PTPRT: variants seen among roughly 807,000 people sequenced by gnomAD.
PTPRT encodes the protein receptor-type tyrosine-protein phosphatase T.
Under a neutral mutation model 176.8 loss-of-function variants are expected in PTPRT, and 56 were observed. The observed-to-expected ratio is 0.32, with a 90% CI of 0.26 to 0.40. The LOEUF (loss-of-function observed/expected upper bound fraction) is 0.40. Among genes scored for constraint, PTPRT ranks in the 10% least tolerant of loss-of-function variants. The pLI, the probability that PTPRT is intolerant of heterozygous loss-of-function variation, is 1.00. For missense variants in PTPRT, 1,540 were observed against 1,908.2 expected (o/e 0.81, Z 3.60); for synonymous variants, 783 against 739.0 (o/e 1.06, Z -0.96).
intron 1 of PTPRT, among the ~76,000 whole-genome samples, chr20:43,027,198 C>T (rs997864093): frequency 3.3e-5 from 5 of 152,078 alleles, no homozygotes; most frequent in Non-Finnish European, 5.9e-5. Flanking sequence ...ACAGTTACAG[C>T]CAGGCACGGT....
At chr20:42,438,321 A>G (rs941107838) in intron 9 of PTPRT, among the ~76,000 whole-genome samples, 1 of 152,206 alleles carries the variant, frequency 6.6e-6, no homozygotes, top group African/African-American at 2.4e-5. Flanking sequence ...CTCTGGAGAC[A>G]AATTATGGCA....
At chr20:43,069,714 T>C (rs2011155700) in intron 1 of PTPRT, among the ~76,000 whole-genome samples, 1 of 152,152 alleles carries the variant, frequency 6.6e-6, no homozygotes, top group South Asian at 2.1e-4. Flanking sequence ...GGCTTTTTTA[T>C]ATAAGAGCAA....
At chr20:42,414,719 T>C (rs2059049204) in intron 9 of PTPRT, among the ~76,000 whole-genome samples, 2 of 152,218 alleles carry the variant, frequency 1.3e-5, no homozygotes, top group African/African-American at 4.8e-5. Flanking sequence ...GAAGTACCTA[T>C]GTGAATAAAG....
chr20:42,507,906 G>A (rs562863715), intron 7 of PTPRT, among the ~76,000 whole-genome samples: 113 of 151,382 alleles, frequency 7.5e-4, no homozygotes, highest in African/African-American at 2.6e-3. Context: ...CAGCTGAGGA[G>A]AAAGTTCACA....
chr20:42,336,678 T>G (rs1206947962), intron 11 of PTPRT, among the ~76,000 whole-genome samples: 1 of 152,020 alleles, frequency 6.6e-6, no homozygotes, highest in African/African-American at 2.4e-5. Context: ...AAAACATGAA[T>G]AAATTTGTGA....
intron 1 of PTPRT, among the ~76,000 whole-genome samples, chr20:42,975,592 AC>A (rs1982899802): frequency 6.6e-6 from 1 of 152,166 alleles, no homozygotes; most frequent in South Asian, 2.1e-4. Flanking sequence ...TCTGTCTTAA[AC>A]TGCCTTCATA....
chr20:42,674,022 T>C (rs1426408259), intron 7 of PTPRT, among the ~76,000 whole-genome samples: 2 of 152,182 alleles, frequency 1.3e-5, no homozygotes, highest in Non-Finnish European at 2.9e-5. Context: ...ACATACTCTC[T>C]CACTTTCTGT....
At chr20:42,555,570 T>C (rs921081213) in intron 7 of PTPRT, among the ~76,000 whole-genome samples, 1 of 152,118 alleles carries the variant, frequency 6.6e-6, no homozygotes, top group Non-Finnish European at 1.5e-5. Context: ...CATTATTTCT[T>C]CCACTCCAAG....
At chr20:42,198,681 T>C (rs775803361) in intron 16 of PTPRT, among the ~76,000 whole-genome samples, 13 of 152,218 alleles carry the variant, frequency 8.5e-5, no homozygotes, top group Non-Finnish European at 1.8e-4. Flanking sequence ...CCTTGACCAA[T>C]GCTACTTGGA....
At chr20:42,490,780 C>T (rs2071548680) in intron 7 of PTPRT, among the ~76,000 whole-genome samples, 1 of 152,112 alleles carries the variant, frequency 6.6e-6, no homozygotes, top group South Asian at 2.1e-4. Context: ...AAGGAATGCA[C>T]CTGCATTTTC....
At chr20:42,610,727 T>A (rs1478071899) in intron 7 of PTPRT, among the ~76,000 whole-genome samples, 1 of 152,186 alleles carries the variant, frequency 6.6e-6, no homozygotes, top group Non-Finnish European at 1.5e-5. Flanking sequence ...ATACAATTCA[T>A]CCATTTAAAG....
At position 42,842,290 on chromosome 20, in the gene PTPRT, G is replaced by A. The variant is rs150771432; in HGVS notation, c.214+43517C>T. The stretch of plus-strand genomic sequence containing the variant: ...CATGCAAAACGAAGAAGAGTGCAGT[G>A]TCTACAAATCAGCAGCCAGTGCTAC... On this transcript the variant is annotated intron_variant, in intron 2 of 30. Coordinates refer to ENST00000373187, the MANE Select transcript of PTPRT (RefSeq NM_007050.6). Among the ~76,000 whole-genome samples the A allele has an allele frequency of 2.3e-3, 352 of 152,300 alleles. 1 individual carries two copies. The highest frequency in any genetic ancestry group is 0.02 in the Admixed American group (300 of 15,302).
chr20:43,127,842 G>A (rs1279492946), intron 1 of PTPRT, among the ~76,000 whole-genome samples: 2 of 152,208 alleles, frequency 1.3e-5, no homozygotes, highest in Non-Finnish European at 2.9e-5. Flanking sequence ...GATGGTGGGT[G>A]AAGCCCATTC....
chr20:42,039,704 T>TATATATATATATATATATATATA, the PTPRT span, among the ~76,000 whole-genome samples: 19 of 65,264 alleles, frequency 2.9e-4, no homozygotes, highest in Admixed American at 5.7e-4. Flanking sequence ...ATATATATAG[T>TATATATATATATATATATATATA]AATGTATATT....
chr20:42,770,430 T>G (rs1448239770), intron 5 of PTPRT, among the ~76,000 whole-genome samples: 1 of 152,214 alleles, frequency 6.6e-6, no homozygotes, highest in Non-Finnish European at 1.5e-5. Context: ...GGAAGTATGC[T>G]AATGTTATAA....
chr20:42,740,983 G>GTGTGCA (rs746447838), intron 6 of PTPRT, among the ~76,000 whole-genome samples: 15 of 152,214 alleles, frequency 9.9e-5, no homozygotes, highest in East Asian at 1.9e-4. Flanking sequence ...GAGAGAGAGA[G>GTGTGCA]TGTGCATGTG....
At chr20:43,046,625 G>A (rs898126510) in intron 1 of PTPRT, among the ~76,000 whole-genome samples, 1 of 152,176 alleles carries the variant, frequency 6.6e-6, no homozygotes, top group African/African-American at 2.4e-5. Context: ...GGCTGTGGTG[G>A]GGGCATGCAG....
At chr20:42,881,488 G>A (rs1284306609) in intron 2 of PTPRT, among the ~76,000 whole-genome samples, 1 of 152,128 alleles carries the variant, frequency 6.6e-6, no homozygotes, top group Non-Finnish European at 1.5e-5. Context: ...ACTTTGGGAG[G>A]CCGAGGCGGA....
chr20:42,984,857 G>T (rs529323542), intron 1 of PTPRT, among the ~76,000 whole-genome samples: 1 of 152,320 alleles, frequency 6.6e-6, no homozygotes, highest in African/African-American at 2.4e-5. Flanking sequence ...ATCAGCAACA[G>T]TTAAAGGAAT....
Sources: gnomAD v4.1 joint callset for allele counts (sites outside exome capture counted in the v4.1 genomes callset) on GRCh38, gnomAD v4.1.1 for gene constraint, MANE v1.5 for transcripts, NCBI Gene and HGNC (gene_info 2026-07-23, HGNC 2026-07-21) for gene names.